The following RORA variants were observed in gnomAD, a reference collection of about 807,000 sequenced individuals.
RORA encodes nuclear receptor ROR-alpha.
Under a neutral mutation model 69.5 loss-of-function variants are expected in RORA, and 7 were observed. The observed-to-expected ratio is 0.10, with a 90% CI of 0.06 to 0.19. RORA has a LOEUF of 0.19. RORA is among the 10% of genes least tolerant of loss of function. The pLI, the probability that RORA is intolerant of heterozygous loss-of-function variation, is 1.00. For missense variants in RORA, 457 were observed against 663.0 expected (o/e 0.69, Z 3.41); for synonymous variants, 261 against 240.8 (o/e 1.08, Z -0.78).
chr15:60,932,999 G>A (rs1392126908), intron 1 of RORA, among the ~76,000 whole-genome samples: 1 of 152,074 alleles, frequency 6.6e-6, no homozygotes, highest in Admixed American at 6.5e-5. Context: ...CCTTACCCAG[G>A]AGTTTCCAGG....
intron 1 of RORA, among the ~76,000 whole-genome samples, chr15:60,888,188 C>CTGT (rs769058385): frequency 2.4e-4 from 36 of 152,198 alleles, no homozygotes; most frequent in Non-Finnish European, 4.4e-4. Context: ...CAAGGGCTTT[C>CTGT]TGTTGTTGTT....
At chr15:60,637,636 A>T (rs536709637) in intron 2 of RORA, among the ~76,000 whole-genome samples, 1 of 152,260 alleles carries the variant, frequency 6.6e-6, no homozygotes, top group Admixed American at 6.5e-5. Context: ...ATAAGCTAAA[A>T]ATCATCATGC....
intron 1 of RORA, among the ~76,000 whole-genome samples, chr15:60,755,564 A>G (rs534654546): frequency 6.2e-4 from 94 of 152,196 alleles, no homozygotes; most frequent in Non-Finnish European, 8.4e-4. Flanking sequence ...CGCCACACCG[A>G]CTTTCACAAT....
intron 2 of RORA, among the ~76,000 whole-genome samples, chr15:60,577,113 G>A (rs2068049107): frequency 6.6e-6 from 1 of 152,182 alleles, no homozygotes; most frequent in South Asian, 2.1e-4. Flanking sequence ...CCACTGTTAT[G>A]AAAGATGAAG....
At chr15:60,640,944 T>C (rs2069933561) in intron 2 of RORA, among the ~76,000 whole-genome samples, 1 of 152,188 alleles carries the variant, frequency 6.6e-6, no homozygotes, top group South Asian at 2.1e-4. Context: ...AAGGGGACTA[T>C]GCTTTTCTCT....
intron 2 of RORA, among the ~76,000 whole-genome samples, chr15:60,573,656 C>G (rs2067947334): frequency 6.6e-6 from 1 of 152,206 alleles, no homozygotes; most frequent in African/African-American, 2.4e-5. Flanking sequence ...CCCCGACTTG[C>G]CTTGCTCACT....
At position 60,834,893 on chromosome 15, in the gene RORA, C is replaced by T. The variant is rs1209937965; in HGVS notation, c.167-156207G>A. ...TATTTTCCTTCAGGACCCTCATCTT[C>T]GCAGGATTTTTTTTTTCCCTCCAAA... On this transcript the variant is annotated intron_variant, in intron 1 of 10. Transcript: ENST00000335670. 3.9e-5 allele frequency among the ~76,000 whole-genome samples: 6 copies of T among 151,922 alleles called. No individual in the cohort carries two copies. In the East Asian group the frequency reaches 5.8e-4, roughly 15 times the overall value.
chr15:60,579,004 C>T (rs996424280), intron 2 of RORA, among the ~76,000 whole-genome samples: 1 of 150,804 alleles, frequency 6.6e-6, no homozygotes, highest in African/African-American at 2.4e-5. Flanking sequence ...ATCTTGTGAT[C>T]GATCCGCCTG....
chr15:60,830,461 A>C (rs2073027117), intron 1 of RORA, among the ~76,000 whole-genome samples: 1 of 152,224 alleles, frequency 6.6e-6, no homozygotes, highest in Non-Finnish European at 1.5e-5. Context: ...TTCTTTGAAA[A>C]TGTTACACTT....
intron 2 of RORA, among the ~76,000 whole-genome samples, chr15:60,647,872 T>G (rs1459688797): frequency 6.6e-6 from 1 of 152,168 alleles, no homozygotes; most frequent in Non-Finnish European, 1.5e-5. Context: ...TCAGAATCTG[T>G]GGGATCACAC....
At chr15:60,910,233 T>C (rs979332667) in intron 1 of RORA, among the ~76,000 whole-genome samples, 6 of 152,158 alleles carry the variant, frequency 3.9e-5, no homozygotes, top group African/African-American at 1.4e-4. Context: ...TTGAGACTAA[T>C]TGGAAGGGGA....
At chr15:60,825,714 C>T (rs2140384308) in intron 1 of RORA, among the ~76,000 whole-genome samples, 1 of 152,346 alleles carries the variant, frequency 6.6e-6, no homozygotes, top group East Asian at 1.9e-4. Flanking sequence ...TCTCCCAGAA[C>T]CTCCTCTTCT....
intron 1 of RORA, among the ~76,000 whole-genome samples, chr15:60,819,125 A>G (rs1000132450): frequency 2.0e-5 from 3 of 152,238 alleles, no homozygotes; most frequent in Non-Finnish European, 4.4e-5. Flanking sequence ...AAAAACAAAA[A>G]TCTCGAGCAG....
chr15:61,154,005 G>A (rs536919229), intron 1 of RORA, among the ~76,000 whole-genome samples: 2 of 152,258 alleles, frequency 1.3e-5, no homozygotes, highest in South Asian at 2.1e-4. Flanking sequence ...GAAGCAGGTG[G>A]TTCTGCTTGA....
At chr15:60,559,732 G>A (rs1056147086) in intron 2 of RORA, among the ~76,000 whole-genome samples, 3 of 152,140 alleles carry the variant, frequency 2.0e-5, no homozygotes, top group Admixed American at 6.5e-5. Flanking sequence ...TTTGCATTAC[G>A]GCTTGATAAT....
At chr15:61,104,929 T>C (rs1447312871) in intron 1 of RORA, among the ~76,000 whole-genome samples, 1 of 151,876 alleles carries the variant, frequency 6.6e-6, no homozygotes, top group African/African-American at 2.4e-5. Context: ...TTTCACTTGG[T>C]CCTCACTCTC....
intron 2 of RORA, among the ~76,000 whole-genome samples, chr15:60,566,733 A>G (rs2140438575): frequency 6.6e-6 from 1 of 152,294 alleles, no homozygotes; most frequent in Non-Finnish European, 1.5e-5. Context: ...TGAATATCGC[A>G]CTTCCCTAGG....
intron 1 of RORA, among the ~76,000 whole-genome samples, chr15:60,877,828 C>T (rs2073635155): frequency 6.6e-6 from 1 of 152,014 alleles, no homozygotes; most frequent in African/African-American, 2.4e-5. Flanking sequence ...CTGAATATAC[C>T]CATAATTTCT....
At chr15:60,813,320 C>CAGCT (rs1366335672) in intron 1 of RORA, among the ~76,000 whole-genome samples, 2 of 152,338 alleles carry the variant, frequency 1.3e-5, no homozygotes, top group East Asian at 3.9e-4. Flanking sequence ...TCTGGACGCC[C>CAGCT]AGCTGCTTTC....
Sources: allele counts gnomAD v4.1 joint callset (sites outside exome capture counted in the v4.1 genomes callset), GRCh38; gene constraint gnomAD v4.1.1; transcripts MANE v1.5; gene names NCBI Gene and HGNC (gene_info 2026-07-23, HGNC 2026-07-21).